The following AMOT variants were observed in gnomAD, a reference collection of about 807,000 sequenced individuals.
The protein encoded by AMOT is angiomotin.
A neutral mutation model predicts 67.0 loss-of-function variants in AMOT; 11 were observed. The observed-to-expected ratio is 0.16, with a 90% CI of 0.10 to 0.27. The LOEUF (loss-of-function observed/expected upper bound fraction) is 0.27, where lower values mean the gene tolerates loss of function less well. AMOT is among the 10% of genes least tolerant of loss of function. AMOT has a pLI of 1.00. For missense variants in AMOT, 753 were observed against 852.0 expected (o/e 0.88, Z 1.45); for synonymous variants, 326 against 321.4 (o/e 1.01, Z -0.15).
intron 8 of AMOT, among the ~76,000 whole-genome samples, chrX:112,802,500 C>A (rs1934047173): frequency 8.9e-6 from 1 of 112,040 alleles, no homozygotes; most frequent in African/African-American, 3.2e-5. Context: ...GCTTGAAAGT[C>A]TGGAAGACAT....
intron 8 of AMOT, among the ~76,000 whole-genome samples, chrX:112,796,766 TC>T (rs2147793011): frequency 9.0e-6 from 1 of 111,385 alleles, no homozygotes; most frequent in African/African-American, 3.3e-5. Context: ...CTGGGGGCAA[TC>T]CCCCCACCCC....
At chrX:112,780,490 A>C (rs1016495975) in intron 12 of AMOT, 4 of 194,356 alleles carry the variant, frequency 2.1e-5, no homozygotes, top group Non-Finnish European at 3.8e-5. Flanking sequence ...CCTATTATAG[A>C]GGAGGAAGGA....
At position 112,819,137 on chromosome X, in the gene AMOT, T is replaced by G. The variant is rs1270300455; in HGVS notation, c.872+3118A>C. 2.7e-5 allele frequency among the ~76,000 whole-genome samples: 3 copies of G among 111,560 alleles called. No homozygotes were observed. The Admixed American group carries it at 2.8e-4, about 11-fold the overall frequency. ...GAAAGTAAAAGCCACTCTACCCAGC[T>G]GACACAGCACCTTCCACCCTGCCAC... On this transcript the variant is annotated intron_variant, in intron 4 of 13. Transcript: ENST00000371959.
At chrX:112,812,326 G>A (rs1395658644) in intron 5 of AMOT, among the ~76,000 whole-genome samples, 1 of 111,811 alleles carries the variant, frequency 8.9e-6, no homozygotes, top group African/African-American at 3.3e-5. Flanking sequence ...GGAACCTGGC[G>A]AGATATGGCT....
intron 2 of AMOT, among the ~76,000 whole-genome samples, chrX:112,827,419 C>T (rs1226353513): frequency 1.8e-5 from 2 of 112,255 alleles, no homozygotes; most frequent in Admixed American, 9.4e-5. Context: ...TTGTTTCATG[C>T]ACAAGAACTA....
At chrX:112,805,725 C>T (rs1467891012) in intron 7 of AMOT, among the ~76,000 whole-genome samples, 1 of 111,575 alleles carries the variant, frequency 9.0e-6, no homozygotes, top group Non-Finnish European at 1.9e-5. Context: ...CTTGGGAATC[C>T]AATGTCTTTT....
Position 112,839,055 on chromosome X carries a change from A to G in AMOT, c.-289+1397T>C, listed in dbSNP as rs780403788. On this transcript the variant is annotated intron_variant, in intron 1 of 13. Coordinates refer to ENST00000371959, the MANE Select transcript of AMOT (RefSeq NM_001113490.2). ...CTGATCTGAAACAGGATAGCCTTTA[A>G]AATTGTCGCCCTTCTCTACCTTCCT... 3.6e-5 allele frequency among the ~76,000 whole-genome samples: 4 copies of G among 112,375 alleles called. No individual in the cohort carries two copies. The East Asian group carries it at 1.1e-3, about 31-fold the overall frequency.
rs11368791 is a variant in AMOT at position 112,833,531 on chromosome X, T to TAA, written c.-288-1163_-288-1162dup. 4.6e-5 allele frequency among the ~76,000 whole-genome samples: 5 copies of TAA among 107,799 alleles called. No individual in the cohort carries two copies. In the East Asian group the frequency reaches 1.5e-3, roughly 32 times the overall value. 93.6% of individuals were successfully genotyped at this position (107,799 alleles called of 115,157 possible). A position where few individuals can be genotyped will look rare whatever the true frequency, so the allele number is the denominator to read the frequency against. ...TTAGCTTCAAAAACTGTTTGCTTTT[T>TAA]AAAAAAACAATCTGCCTCCCCTACT... is the stretch of plus-strand genomic sequence containing the variant. On this transcript the variant is annotated intron_variant, in intron 1 of 13. Transcript: ENST00000371959.
chrX:112,808,178 A>T lies in AMOT; in HGVS notation c.1630+1716T>A, dbSNP rs536533941. Among the ~76,000 whole-genome samples, 126 of 112,269 alleles carry T rather than the reference A, an allele frequency of 1.1e-3. 1 individual carries two copies. The highest frequency in any genetic ancestry group is 2.0e-3 in the Non-Finnish European group (109 of 53,220). On this transcript the variant is annotated intron_variant, in intron 7 of 13. Coordinates refer to ENST00000371959, the MANE Select transcript of AMOT (RefSeq NM_001113490.2). ...GTTGAATACGTATTGCATACCAGGT[A>T]TTGTACTAGCTTAATCCTCAGAACA...
At chrX:112,791,773 C>T in intron 9 of AMOT, 59 bp downstream of exon 9, 2 of 1,172,868 alleles carry the variant, frequency 1.7e-6, no homozygotes, top group South Asian at 3.7e-5. Context: ...AAATAAGCAA[C>T]CAGGAATAAT....
At position 112,833,547 on chromosome X, in the gene AMOT, C is replaced by T. The variant is rs1039759560; in HGVS notation, c.-288-1177G>A. 1.1e-4 allele frequency among the ~76,000 whole-genome samples: 12 copies of T among 109,930 alleles called. No homozygotes were observed. In the East Asian group the frequency reaches 2.9e-3, roughly 26 times the overall value. Reference sequence around the variant, plus strand: ...TTTGCTTTTTAAAAAAACAATCTGCCTCCCCTACTCTCTCTCTCAGGCACA... The same window carrying T: ...TTTGCTTTTTAAAAAAACAATCTGCTTCCCCTACTCTCTCTCTCAGGCACA... On this transcript the variant is annotated intron_variant, in intron 1 of 13. Coordinates refer to ENST00000371959, the MANE Select transcript of AMOT (RefSeq NM_001113490.2).
intron 4 of AMOT, among the ~76,000 whole-genome samples, chrX:112,819,591 G>A (rs939247501): frequency 1.8e-5 from 2 of 112,375 alleles, no homozygotes; most frequent in Admixed American, 9.4e-5. Context: ...AACCCAGGAT[G>A]CAGAAAAGGT....
In AMOT at chrX:112,804,853, T is replaced by C. The variant is rs754728755; in HGVS notation, c.1776+94A>G. On this transcript the variant is annotated intron_variant, in intron 8 of 13. Coordinates refer to ENST00000371959, the MANE Select transcript of AMOT (RefSeq NM_001113490.2). ...GATGGCACCTCCCTTCTGGGGATTATGCAGCTGCCAATTCACCACAATGTG... is the reference window on the plus strand; with the variant it reads ...GATGGCACCTCCCTTCTGGGGATTACGCAGCTGCCAATTCACCACAATGTG... 7 of 1,125,308 alleles carry C rather than the reference T, an allele frequency of 6.2e-6. No individual in the cohort carries two copies. In the African/African-American group the frequency reaches 9.0e-5, roughly 14 times the overall value. 92.7% of individuals were successfully genotyped at this position (1,125,308 alleles called of 1,213,427 possible). A position where few individuals can be genotyped will look rare whatever the true frequency, so the allele number is the denominator to read the frequency against.
intron 1 of AMOT, among the ~76,000 whole-genome samples, chrX:112,836,529 A>G (rs928131182): frequency 4.5e-5 from 5 of 111,132 alleles, no homozygotes; most frequent in African/African-American, 1.6e-4. Flanking sequence ...AACATTGTAT[A>G]TATCTGTGGC....
intron 5 of AMOT, 120 bp downstream of exon 5, chrX:112,815,238 A>C: frequency 1.0e-6 from 1 of 962,509 alleles, no homozygotes; most frequent in Non-Finnish European, 1.4e-6. Flanking sequence ...AGATATAAAA[A>C]TCCTGAAGAC....
chrX:112,820,626 C>G (rs1934688742), intron 4 of AMOT, among the ~76,000 whole-genome samples: 1 of 111,193 alleles, frequency 9.0e-6, no homozygotes, highest in Non-Finnish European at 1.9e-5. Context: ...ACACACTCCC[C>G]TCCCACAAGG....
At chrX:112,812,883 T>C (rs1461262279) in intron 5 of AMOT, among the ~76,000 whole-genome samples, 1 of 112,442 alleles carries the variant, frequency 8.9e-6, no homozygotes, top group Non-Finnish European at 1.9e-5. Context: ...AAATAAGGCT[T>C]ATGCCACAGA....
intron 5 of AMOT, 137 bp downstream of exon 5, chrX:112,815,221 A>C (rs1934505589): frequency 1.2e-6 from 1 of 837,067 alleles, no homozygotes; most frequent in Non-Finnish European, 1.7e-6. Context: ...ACTCATATCT[A>C]ACCTTCAGAT....
chrX:112,787,553 T>C (rs935092084), intron 10 of AMOT, among the ~76,000 whole-genome samples: 1 of 112,067 alleles, frequency 8.9e-6, no homozygotes, highest in Non-Finnish European at 1.9e-5. Context: ...AAGAACACTT[T>C]AGAACAGGTC....
Sources: allele counts gnomAD v4.1 joint callset (sites outside exome capture counted in the v4.1 genomes callset), GRCh38; gene constraint gnomAD v4.1.1; transcripts MANE v1.5; gene names NCBI Gene and HGNC (gene_info 2026-07-23, HGNC 2026-07-21).